The following ATAD5 variants were observed in gnomAD, a reference collection of about 807,000 sequenced individuals.
ATAD5 encodes ATPase family AAA domain-containing protein 5.
ATAD5 carries 58 observed loss-of-function variants against 176.9 expected under a neutral mutation model. The observed-to-expected ratio is 0.33, with a 90% CI of 0.27 to 0.41. The LOEUF (loss-of-function observed/expected upper bound fraction) is 0.41. ATAD5 is among the 10% of genes least tolerant of loss of function. The pLI is 1.00. For missense variants in ATAD5, 1,789 were observed against 2,094.1 expected (o/e 0.85, Z 2.84); for synonymous variants, 640 against 712.6 (o/e 0.90, Z 1.62).
intron 14 of ATAD5, among the ~76,000 whole-genome samples, chr17:30,873,689 C>CTTTTTTT (rs775055653): frequency 7.7e-6 from 1 of 129,604 alleles, no homozygotes; most frequent in Non-Finnish European, 1.6e-5. Flanking sequence ...TAAAAATTGC[C>CTTTTTTT]TTTTTTTTTT....
intron 6 of ATAD5, among the ~76,000 whole-genome samples, chr17:30,846,721 CTTTT>C (rs34774584): frequency 1.5e-5 from 2 of 129,222 alleles, no homozygotes; most frequent in Non-Finnish European, 1.7e-5. Context: ...ATTTTTCTCT[CTTTT>C]TTTTTTTTTT....
At chr17:30,858,804 C>CT (rs765534352) in intron 9 of ATAD5, among the ~76,000 whole-genome samples, 14 of 152,258 alleles carry the variant, frequency 9.2e-5, no homozygotes, top group Non-Finnish European at 1.9e-4. Flanking sequence ...TCTCAGCCTC[C>CT]TGAGTAGCTG....
chr17:30,867,265 T>C (rs1908054094), intron 11 of ATAD5, among the ~76,000 whole-genome samples: 1 of 152,022 alleles, frequency 6.6e-6, no homozygotes, highest in African/African-American at 2.4e-5. Context: ...CTGGGAATGA[T>C]GGCGCCCACT....
chr17:30,871,312 G>T (rs1908322369), intron 14 of ATAD5, among the ~76,000 whole-genome samples: 1 of 150,930 alleles, frequency 6.6e-6, no homozygotes, highest in Non-Finnish European at 1.5e-5. Context: ...TATAACAACT[G>T]TTTTAATGGT....
At chr17:30,893,048 G>A (rs1049867185) in intron 20 of ATAD5, among the ~76,000 whole-genome samples, 1 of 152,046 alleles carries the variant, frequency 6.6e-6, no homozygotes. Flanking sequence ...TTAAATAAAT[G>A]AGCTTCTAAT....
At chr17:30,882,762 G>T (rs1349786123) in intron 18 of ATAD5, among the ~76,000 whole-genome samples, 1 of 152,152 alleles carries the variant, frequency 6.6e-6, no homozygotes, top group Non-Finnish European at 1.5e-5. Context: ...AATGTGGCTA[G>T]TCTACAGTTA....
chr17:30,849,250 T>G (rs750427366), intron 6 of ATAD5, among the ~76,000 whole-genome samples: 1 of 152,126 alleles, frequency 6.6e-6, no homozygotes, highest in Non-Finnish European at 1.5e-5. Context: ...ACATCTGGAT[T>G]GTTTCCTTTT....
chr17:30,851,179 G>C (rs531507569), intron 6 of ATAD5, among the ~76,000 whole-genome samples: 1 of 146,076 alleles, frequency 6.8e-6, no homozygotes, highest in Non-Finnish European at 1.5e-5. Flanking sequence ...GTGAGCCACC[G>C]TGCCGGTCTC....
At chr17:30,839,582 T>TC (rs1283954382) in intron 3 of ATAD5, among the ~76,000 whole-genome samples, 5 of 143,192 alleles carry the variant, frequency 3.5e-5, no homozygotes, top group African/African-American at 1.3e-4. Context: ...GCCATCTTCT[T>TC]TTTTTTTTTT....
Position 30,837,289 on chromosome 17 carries a change from G to T in ATAD5, c.2051G>T (p.Gly684Val). Residue 684 changes from glycine (G) to valine (V), a missense_variant, in exon 3 of 23, where the codon GGA (glycine) becomes GTA (valine). Gly to Val is a moderately radical substitution (Grantham distance 109). This residue lies in a region of ATAD5 where 487 missense variants were observed against 573.6 expected (regional missense o/e 0.85). Coordinates refer to ENST00000321990, the MANE Select transcript of ATAD5 (RefSeq NM_024857.5). ...KRSEKSEATD[G>V]GFTSQIRKAS... ...TCTGAGAAATCTGAAGCAACTGATG[G>T]AGGTTTTACTTCTCAGATTAGAAAG... 1 of 1,576,004 alleles carries T rather than the reference G, an allele frequency of 6.3e-7. No homozygotes were observed. The highest frequency in any genetic ancestry group is 1.2e-5 in the South Asian group (1 of 82,560).
intron 10 of ATAD5, 70 bp downstream of exon 10, chr17:30,860,682 T>C: frequency 7.9e-7 from 1 of 1,271,052 alleles, no homozygotes; most frequent in Non-Finnish European, 1.1e-6. Context: ...ACCAAAGCAG[T>C]AGAAGATTTT....
chr17:30,891,681 T>G (rs1382722737), intron 19 of ATAD5, among the ~76,000 whole-genome samples: 1 of 146,546 alleles, frequency 6.8e-6, no homozygotes, highest in Non-Finnish European at 1.5e-5. Context: ...CTGAAATTAC[T>G]GTTTCTTTTT....
At position 30,877,290 on chromosome 17, in the gene ATAD5, T is replaced by A. The variant is rs551107009; in HGVS notation, c.3785-126T>A. ...TCCCAAAGTGCTGGGATTACAGGCA[T>A]GAGCCACCGCGCCCGTCCTGTTTCA... On this transcript the variant is annotated intron_variant, in intron 15 of 22. Transcript: ENST00000321990. 3.7e-4 allele frequency: 247 copies of A among 671,006 alleles called. 2 individuals carry two copies. Among genetic ancestry groups the A allele is most frequent in the Middle Eastern group, 3.5e-3 (8 of 2,304 alleles). The allele number at this position is 671,006 out of a possible 1,614,324, so 41.6% of individuals were successfully genotyped here. A position where few individuals can be genotyped will look rare whatever the true frequency, so the allele number is the denominator to read the frequency against.
In ATAD5 at chr17:30,887,369, T is replaced by C. The variant is rs11657270; in HGVS notation, c.4255T>C (p.Tyr1419His). ...GVLEERPLTL[Y>H]RGNSRNVQLV... ...TTTAGAAGAACGACCATTAACCCTT[T>C]ATCGTAAGTTGATTTGTTATTAAAG... The change falls in exon 19 of 23, where the codon TAT becomes CAT. Residue 1419 changes from tyrosine to histidine, a missense_variant. By Grantham distance (83) the Tyr-to-His change is moderately conservative. Coordinates refer to ENST00000321990, the MANE Select transcript of ATAD5 (RefSeq NM_024857.5). 0.11 allele frequency: 181,843 copies of C among 1,587,722 alleles called. 11,887 individuals are homozygous for C. The highest frequency in any genetic ancestry group is 0.24 in the South Asian group (20,711 of 85,808).
chr17:30,839,418 A>C (rs1905950192), intron 3 of ATAD5, among the ~76,000 whole-genome samples: 1 of 151,140 alleles, frequency 6.6e-6, no homozygotes, highest in Non-Finnish European at 1.5e-5. Flanking sequence ...CTGGGACTAC[A>C]GGCACCCGCC....
intron 1 of ATAD5, among the ~76,000 whole-genome samples, chr17:30,833,836 A>G (rs1306041153): frequency 6.6e-6 from 1 of 152,094 alleles, no homozygotes; most frequent in African/African-American, 2.4e-5. Flanking sequence ...GTGCACCACT[A>G]TGCTCAGCTA....
chr17:30,834,227 C>T lies in ATAD5; in HGVS notation c.146C>T (p.Thr49Ile), dbSNP rs199951310. 1 of 1,612,528 alleles carries T rather than the reference C, an allele frequency of 6.2e-7. No homozygotes were observed. The highest frequency in any genetic ancestry group is 8.5e-7 in the Non-Finnish European group (1 of 1,179,570). Reference sequence around the variant, plus strand: ...AAATATTTATCACCACTAGGGAAGACTAGAGACAGGGTTTTTGCTCCACCA... The same window carrying T: ...AAATATTTATCACCACTAGGGAAGATTAGAGACAGGGTTTTTGCTCCACCA... ...ITKYLSPLGK[T>I]RDRVFAPPKP... Residue 49 changes from threonine to isoleucine, a missense_variant, in exon 2 of 23, where the codon ACT becomes ATT. This residue lies in a region of ATAD5 where 696 missense variants were observed against 712.5 expected (regional missense o/e 0.98). Transcript: ENST00000321990.
intron 6 of ATAD5, among the ~76,000 whole-genome samples, chr17:30,852,414 G>A (rs922330159): frequency 3.3e-5 from 5 of 152,040 alleles, no homozygotes; most frequent in South Asian, 2.1e-4. Context: ...GTTCCTTTTC[G>A]TGGAGGATGG....
chr17:30,893,551 A>G lies in ATAD5; in HGVS notation c.4698A>G (p.Gln1566=), dbSNP rs749900077. Residue 1566 remains glutamine (Q), a synonymous_variant, in exon 21 of 23, where the codon CAA becomes CAG. Transcript: ENST00000321990. Reference sequence around the variant, plus strand: ...TGAAAAAGTCCCAGAAAAAGAAACAAAAGAAAACATTGGTAATATTAGATG... The same window carrying G: ...TGAAAAAGTCCCAGAAAAAGAAACAGAAGAAAACATTGGTAATATTAGATG... ...QPLKKSQKKK[Q]KKTLVILDDS... 1.6e-5 allele frequency: 25 copies of G among 1,611,952 alleles called. No individual in the cohort carries two copies. In the South Asian group the frequency reaches 2.8e-4, roughly 18 times the overall value.
Sources: gnomAD v4.1 joint callset for allele counts (sites outside exome capture counted in the v4.1 genomes callset) on GRCh38, gnomAD v4.1.1 for gene constraint, gnomAD v4.1.1 regional missense constraint, MANE v1.5 for transcripts, NCBI Gene and HGNC (gene_info 2026-07-23, HGNC 2026-07-21) for gene names.